Variants in PRPF8 observed in about 807,000 individuals in gnomAD.
PRPF8 encodes the protein pre-mRNA-processing-splicing factor 8.
Under a neutral mutation model 285.9 loss-of-function variants are expected in PRPF8, and 64 were observed. That is an observed-to-expected ratio of 0.22 (90% CI 0.18 to 0.28). The LOEUF is 0.28. Ranked by LOEUF, PRPF8 falls within the 10% of genes least tolerant of loss-of-function variation. The probability of loss-of-function intolerance (pLI) is 1.00; values close to 1 mark genes in which losing one functional copy is unlikely to be tolerated. For synonymous variants in PRPF8, 1,325 were observed against 1,118.2 expected (o/e 1.18, Z -3.69); for missense variants, 1,426 against 3,026.7 (o/e 0.47, Z 12.41).
Position 1,650,764 on chromosome 17 carries a change from T to G in PRPF8, c.*38A>C. 6.2e-7 allele frequency: 1 copy of G among 1,612,246 alleles called. No homozygotes were observed. Among genetic ancestry groups the G allele is most frequent in the Non-Finnish European group, 8.5e-7 (1 of 1,179,476 alleles). ...CGGCCTGTCTGGAGGGGCTGAGGCT[T>G]CGGCCTCGGGAGGCTGAAGCAGGAG... On this transcript the variant is annotated 3_prime_UTR_variant, in exon 43 of 43. Transcript: ENST00000304992.
chr17:1,656,267 G>T, intron 36 of PRPF8, 125 bp downstream of exon 36: 1 of 1,241,502 alleles, frequency 8.1e-7, no homozygotes, highest in Non-Finnish European at 1.2e-6. Context: ...TCTCATGAAA[G>T]TCAACAGAGT....
At position 1,661,773 on chromosome 17, in the gene PRPF8, T is replaced by A. The variant is rs753131526; in HGVS notation, c.4040A>T (p.Asp1347Val). 1.2e-6 allele frequency: 2 copies of A among 1,614,214 alleles called. No homozygotes were observed. Among genetic ancestry groups the A allele is most frequent in the Non-Finnish European group, 8.5e-7 (1 of 1,180,038 alleles). Residue 1347 changes from aspartate (D) to valine (V), a missense_variant, in exon 26 of 43, where the codon GAT (aspartate) becomes GTT (valine). By Grantham distance (152) the Asp-to-Val change is radical (BLOSUM62 -3). Around this residue, in one of 34 missense-constraint regions of PRPF8, gnomAD observed 16 missense variants for 16.3 expected, o/e 0.98. Transcript: ENST00000304992. This position sits in a 1 kb window ranked among gnomAD's most constrained non-coding sequence, Gnocchi z 7.3. ...QSDLRWSKQT[D>V]VGITHFRSGM... ...TGAACGAAAGTGTGTGATACCTACA[T>A]CTGTCTGTTTGGACCACCTGTTTGG...
intron 34 of PRPF8, among the ~76,000 whole-genome samples, chr17:1,657,041 G>C (rs371265647): frequency 6.6e-6 from 1 of 152,076 alleles, no homozygotes; most frequent in East Asian, 1.9e-4. Context: ...AAGGCTACTA[G>C]GATCAGAAAA....
Position 1,676,496 on chromosome 17 carries a change from C to CT in PRPF8, c.2388+8dup. ...CCACTCACACCCAGCCCAGCCTACT[C>CT]TGCCCAACCTTCAGGTAGTTGTGCT... On this transcript the variant is annotated intron_variant, in intron 16 of 42. Transcript: ENST00000304992. This position sits in a 1 kb window ranked among gnomAD's most constrained non-coding sequence, Gnocchi z 6.3. 6.2e-7 allele frequency: 1 copy of CT among 1,614,170 alleles called. No homozygotes were observed. The highest frequency in any genetic ancestry group is 8.5e-7 in the Non-Finnish European group (1 of 1,180,020).
intron 2 of PRPF8, among the ~76,000 whole-genome samples, chr17:1,683,947 T>C (rs1913084847): frequency 1.3e-5 from 2 of 150,930 alleles, no homozygotes; most frequent in Admixed American, 6.6e-5. Context: ...AGTGCAATGG[T>C]GCGATGTCGG....
At position 1,675,260 on chromosome 17, in the gene PRPF8, C is replaced by T. The variant is rs1014972699; in HGVS notation, c.2952G>A (p.Met984Ile). The T allele has an allele frequency of 2.5e-6, 4 of 1,614,082 alleles. No homozygotes were observed. In the African/African-American group the frequency reaches 4.0e-5, roughly 16 times the overall value. The part of the protein sequence containing the change: ...NVMLESRFEK[M>I]YEKIDLTLLN... Reference sequence around the variant, plus strand: ...GCAGAGTCAAGTCGATCTTCTCATACATCTTCTCAAAGCGGGATTCCAGCA... The same window carrying T: ...GCAGAGTCAAGTCGATCTTCTCATATATCTTCTCAAAGCGGGATTCCAGCA... Residue 984 changes from methionine to isoleucine, a missense_variant, in exon 20 of 43, where the codon ATG becomes ATA. This residue lies in a region of PRPF8 where 37 missense variants were observed against 43.4 expected (regional missense o/e 0.85). Coordinates refer to ENST00000304992, the MANE Select transcript of PRPF8 (RefSeq NM_006445.4). This position sits in a 1 kb window ranked among gnomAD's most constrained non-coding sequence, Gnocchi z 6.0.
rs751438136 is a variant in PRPF8, at chr17:1,679,299, T to C, written c.1401A>G (p.Gln467=). ...NALKHRPPKA[Q]KKRYLFRSFK... is the part of the protein sequence containing the mutation. ...CCCCTGGGGCACCTTACCTCTTCTT[T>C]TGAGCCTTAGGGGGCCGATGCTTCA... The change falls in exon 10 of 43, where the codon CAA becomes CAG. Residue 467 remains glutamine, a synonymous_variant. Transcript: ENST00000304992. This position sits in a 1 kb window ranked among gnomAD's most constrained non-coding sequence, Gnocchi z 4.7. 6 of 1,614,178 alleles carry C rather than the reference T, an allele frequency of 3.7e-6. No homozygotes were observed. Among genetic ancestry groups the C allele is most frequent in the South Asian group, 1.1e-5 (1 of 91,084 alleles).
At chr17:1,660,037 G>A in intron 30 of PRPF8, 36 bp from the exon 31 acceptor site, 3 of 1,604,422 alleles carry the variant, frequency 1.9e-6, no homozygotes, top group Middle Eastern at 1.7e-4. Context: ...GACTTGTTAA[G>A]GAAGCCCAAT....
intron 6 of PRPF8, 143 bp downstream of exon 6, chr17:1,681,335 C>A: frequency 9.2e-7 from 1 of 1,085,600 alleles, no homozygotes; most frequent in Non-Finnish European, 1.4e-6. Flanking sequence ...CCTGCCTCAG[C>A]TTCCCAAAGT....
rs955149339 is a variant in PRPF8 at position 1,677,548 on chromosome 17, C to A, written c.1984+17G>T. ...AAGCAATAACAGGAGAAGTTGGACA[C>A]AGAGAAAACCACTCACCTTCAAACT... On this transcript the variant is annotated intron_variant, in intron 14 of 42. Coordinates refer to ENST00000304992, the MANE Select transcript of PRPF8 (RefSeq NM_006445.4). 6.2e-6 allele frequency: 10 copies of A among 1,613,802 alleles called. No homozygotes were observed. The highest frequency in any genetic ancestry group is 1.7e-6 in the Non-Finnish European group (2 of 1,179,978).
Position 1,676,282 on chromosome 17 carries a change from G to A in PRPF8, c.2477C>T (p.Pro826Leu). The A allele has an allele frequency of 6.2e-7, 1 of 1,614,124 alleles. No individual in the cohort carries two copies. The highest frequency in any genetic ancestry group is 8.5e-7 in the Non-Finnish European group (1 of 1,180,032). ...WLESRRFSPIPFPPLSYKHDT... is the reference protein window; with the variant it reads ...WLESRRFSPILFPPLSYKHDT... ...ATGCTTATAGGAGAGTGGGGGGAAT[G>A]GGATGGGTGAAAACCTGCGGCTTTC... Residue 826 changes from proline (P) to leucine (L), a missense_variant, in exon 17 of 43, where the codon CCA becomes CTA. By Grantham distance (98) the Pro-to-Leu change is moderately conservative. Transcript: ENST00000304992. The surrounding 1 kb of genome is among the most constrained non-coding windows in gnomAD (Gnocchi z 6.3).
intron 24 of PRPF8, among the ~76,000 whole-genome samples, chr17:1,664,775 T>C (rs1322623734): frequency 1.3e-5 from 2 of 152,096 alleles, no homozygotes; most frequent in Non-Finnish European, 2.9e-5. Flanking sequence ...ACAGCATAAT[T>C]TGAAACAACC....
rs1262452739 is a variant in PRPF8 at position 1,661,752 on chromosome 17, C to T, written c.4061G>A (p.Arg1354His). 3 of 1,614,198 alleles carry T rather than the reference C, an allele frequency of 1.9e-6. No individual in the cohort carries two copies. Among genetic ancestry groups the T allele is most frequent in the Non-Finnish European group, 2.5e-6 (3 of 1,180,040 alleles). ...GTCTTCTTCATGGCTCATTCCTGAA[C>T]GAAAGTGTGTGATACCTACATCTGT... ...KQTDVGITHF[R>H]SGMSHEEDQL... is the part of the protein sequence containing the mutation. The change falls in exon 26 of 43, where the codon CGT (arginine) becomes CAT (histidine). Residue 1354 changes from arginine to histidine, a missense_variant. Arg to His is a conservative substitution (Grantham distance 29). Transcript: ENST00000304992. The surrounding 1 kb of genome is among the most constrained non-coding windows in gnomAD (Gnocchi z 7.3).
rs1283849687 is a variant in PRPF8 at position 1,654,021 on chromosome 17, G to A, written c.5988-5C>T. On this transcript the variant is annotated splice_region_variant and splice_polypyrimidine_tract_variant and intron_variant, in intron 37 of 42. Coordinates refer to ENST00000304992, the MANE Select transcript of PRPF8 (RefSeq NM_006445.4). ...GTCAGTGATGCCACGTTCACACTGT[G>A]GGGATGGTGTGGGTTATATTACAAG... is the stretch of plus-strand genomic sequence containing the variant. 2 of 1,614,170 alleles carry A rather than the reference G, an allele frequency of 1.2e-6. No individual in the cohort carries two copies. Among genetic ancestry groups the A allele is most frequent in the East Asian group, 2.2e-5 (1 of 44,886 alleles).
intron 30 of PRPF8, among the ~76,000 whole-genome samples, chr17:1,660,222 C>G (rs1208692217): frequency 6.6e-6 from 1 of 150,716 alleles, no homozygotes; most frequent in African/African-American, 2.4e-5. Flanking sequence ...GCGATTCCAC[C>G]TAAGCTGACT....
chr17:1,652,435 CGCCACGTTG>C (rs1157590176), intron 39 of PRPF8, among the ~76,000 whole-genome samples: 1 of 152,176 alleles, frequency 6.6e-6, no homozygotes, highest in Non-Finnish European at 1.5e-5. Flanking sequence ...GACGGGGTTT[CGCCACGTTG>C]GCCAAGCTGG....
At position 1,683,439 on chromosome 17, in the gene PRPF8, AG is replaced by A. The variant is rs1490949699; in HGVS notation, c.269+93del. ...TTTCTCCTTTCTCTTATATCCACCA[AG>A]ATGAGCTGTCAAAGCATCAATCCAA... On this transcript the variant is annotated intron_variant, in intron 3 of 42. Coordinates refer to ENST00000304992, the MANE Select transcript of PRPF8 (RefSeq NM_006445.4). The A allele has an allele frequency of 3.6e-6, 5 of 1,372,026 alleles. No homozygotes were observed. In the East Asian group the frequency reaches 1.1e-4, roughly 31 times the overall value. The allele number at this position is 1,372,026 out of a possible 1,614,324, so 85.0% of individuals were successfully genotyped here. A position where few individuals can be genotyped will look rare whatever the true frequency, so the allele number is the denominator to read the frequency against.
rs761846879 is a variant in PRPF8 at position 1,673,240 on chromosome 17, C to T, written c.3658-43G>A. Reference sequence around the variant, plus strand: ...GGTTAACATGTCCGAGGAACTCCCACAGAAGCAAGAGCCAACTGTGCCCAC... The same window carrying T: ...GGTTAACATGTCCGAGGAACTCCCATAGAAGCAAGAGCCAACTGTGCCCAC... On this transcript the variant is annotated intron_variant, in intron 23 of 42. Coordinates refer to ENST00000304992, the MANE Select transcript of PRPF8 (RefSeq NM_006445.4). This position sits in a 1 kb window ranked among gnomAD's most constrained non-coding sequence, Gnocchi z 5.5. The T allele has an allele frequency of 6.2e-7, 1 of 1,610,154 alleles. No individual in the cohort carries two copies. Among genetic ancestry groups the T allele is most frequent in the South Asian group, 1.1e-5 (1 of 91,020 alleles).
In PRPF8 at chr17:1,653,277, C is replaced by G. The variant is rs1452145405; in HGVS notation, c.6369+265G>C. On this transcript the variant is annotated intron_variant, in intron 39 of 42. Coordinates refer to ENST00000304992, the MANE Select transcript of PRPF8 (RefSeq NM_006445.4). This position sits in a 1 kb window ranked among gnomAD's most constrained non-coding sequence, Gnocchi z 4.9. ...TACAGGCATGAGCCAGCACGCACAC[C>G]TGGTCAGGAATTTGTTTCTGACCAT... The G allele has an allele frequency of 3.4e-6, 2 of 587,634 alleles. No homozygotes were observed. Among genetic ancestry groups the G allele is most frequent in the Admixed American group, 2.7e-5 (1 of 36,834 alleles). The allele number at this position is 587,634 out of a possible 1,614,324, so 36.4% of individuals were successfully genotyped here. A position where few individuals can be genotyped will look rare whatever the true frequency, so the allele number is the denominator to read the frequency against.
Sources: allele counts gnomAD v4.1 joint callset (sites outside exome capture counted in the v4.1 genomes callset), GRCh38; gene constraint gnomAD v4.1.1; regional missense constraint gnomAD v4.1.1; non-coding constraint Gnocchi (gnomAD v3.1); transcripts MANE v1.5; gene names NCBI Gene and HGNC (gene_info 2026-07-23, HGNC 2026-07-21).